The following CCSER1 variants were observed in gnomAD, a reference collection of about 807,000 sequenced individuals.
CCSER1 encodes the protein serine-rich coiled-coil domain-containing protein 1.
In CCSER1, 41 loss-of-function variants were observed where a neutral mutation model predicts 82.0. The observed-to-expected ratio is 0.50, with a 90% confidence interval of 0.39 to 0.65. The LOEUF (loss-of-function observed/expected upper bound fraction) is 0.65, where lower values mean the gene tolerates loss of function less well. Among genes scored for constraint, CCSER1 ranks in the 30% least tolerant of loss-of-function variants. The pLI is 0.00. For synonymous variants in CCSER1, 414 were observed against 383.9 expected (o/e 1.08, Z -0.92); for missense variants, 1,119 against 1,064.2 (o/e 1.05, Z -0.72).
intron 10 of CCSER1, among the ~76,000 whole-genome samples, chr4:91,454,908 T>TA (rs1400516945): frequency 7.2e-5 from 11 of 152,046 alleles, no homozygotes; most frequent in Non-Finnish European, 4.4e-5. Flanking sequence ...TGTTCACAGT[T>TA]ATATTTGTCA....
chr4:91,229,795 G>A (rs1001303344), intron 10 of CCSER1, among the ~76,000 whole-genome samples: 2 of 152,092 alleles, frequency 1.3e-5, no homozygotes. Context: ...GAGAACGCAT[G>A]GACACAGGCA....
intron 4 of CCSER1, among the ~76,000 whole-genome samples, chr4:90,432,566 C>T (rs1025191845): frequency 9.9e-5 from 15 of 151,880 alleles, no homozygotes; most frequent in African/African-American, 3.1e-4. Flanking sequence ...TTCCTTCCTT[C>T]CTTCCTTCTT....
intron 10 of CCSER1, among the ~76,000 whole-genome samples, chr4:91,164,673 A>T (rs1487822802): frequency 6.6e-6 from 1 of 151,850 alleles, no homozygotes; most frequent in East Asian, 1.9e-4. Flanking sequence ...ACTTCATTTC[A>T]TTCATTTGAT....
At chr4:90,601,908 G>T (rs1256931377) in intron 5 of CCSER1, among the ~76,000 whole-genome samples, 1 of 152,010 alleles carries the variant, frequency 6.6e-6, no homozygotes, top group African/African-American at 2.4e-5. Context: ...TTTGGTCAGA[G>T]AACCTACTTT....
chr4:90,307,332 T>A (rs530602770), intron 1 of CCSER1, among the ~76,000 whole-genome samples: 1 of 152,268 alleles, frequency 6.6e-6, no homozygotes, highest in African/African-American at 2.4e-5. Flanking sequence ...TTGTCACTTC[T>A]CTCAAGGTTA....
At chr4:91,331,433 A>G (rs1200517650) in intron 10 of CCSER1, among the ~76,000 whole-genome samples, 2 of 152,092 alleles carry the variant, frequency 1.3e-5, no homozygotes, top group African/African-American at 4.8e-5. Flanking sequence ...GCTCCACATC[A>G]TCTTTTAGCC....
chr4:90,366,268 G>C (rs1354224911), intron 3 of CCSER1, among the ~76,000 whole-genome samples: 1 of 149,516 alleles, frequency 6.7e-6, no homozygotes, highest in East Asian at 1.9e-4. Flanking sequence ...ATTTATAACA[G>C]CTGAAGACAA....
rs144112736 is a variant in CCSER1, at chr4:91,002,793, A to G, written c.2172+79346A>G. Among the ~76,000 whole-genome samples the G allele has an allele frequency of 9.2e-5, 14 of 152,264 alleles. No homozygotes were observed. In the East Asian group the frequency reaches 1.5e-3, roughly 17 times the overall value. On this transcript the variant is annotated intron_variant, in intron 9 of 10. Coordinates refer to ENST00000509176, the MANE Select transcript of CCSER1 (RefSeq NM_001145065.2). ...GGTTTGAATCCATTGCTGGTGAGCT[A>G]GTATGGTATTTGGGGGATGTTAAAG...
At chr4:90,197,085 C>T (rs1267843758) in intron 1 of CCSER1, among the ~76,000 whole-genome samples, 1 of 152,100 alleles carries the variant, frequency 6.6e-6, no homozygotes, top group Non-Finnish European at 1.5e-5. Context: ...TTAGGGTTCC[C>T]ACGACCCCCT....
At chr4:90,448,095 C>G (rs1760907889) in intron 4 of CCSER1, among the ~76,000 whole-genome samples, 1 of 151,912 alleles carries the variant, frequency 6.6e-6, no homozygotes, top group African/African-American at 2.4e-5. Context: ...TTTGCAAATT[C>G]TTTTTATTCT....
intron 10 of CCSER1, among the ~76,000 whole-genome samples, chr4:91,101,845 T>A (rs560014200): frequency 3.7e-4 from 56 of 152,324 alleles, no homozygotes; most frequent in African/African-American, 1.3e-3. Flanking sequence ...AACAGTAGTG[T>A]CCTAAGTAAC....
chr4:91,399,641 C>T (rs2149358224), intron 10 of CCSER1, among the ~76,000 whole-genome samples: 1 of 152,042 alleles, frequency 6.6e-6, no homozygotes, highest in Admixed American at 6.6e-5. Flanking sequence ...CATCAGCTTT[C>T]AGGTCCAAGA....
At chr4:91,192,128 G>A (rs534286253) in intron 10 of CCSER1, among the ~76,000 whole-genome samples, 98 of 152,266 alleles carry the variant, frequency 6.4e-4, no homozygotes, top group African/African-American at 2.2e-3. Flanking sequence ...ATTCTTTCCT[G>A]TGAGACATTA....
At chr4:91,473,677 A>T (rs1199938601) in intron 10 of CCSER1, among the ~76,000 whole-genome samples, 2 of 152,114 alleles carry the variant, frequency 1.3e-5, no homozygotes, top group Non-Finnish European at 2.9e-5. Context: ...GAAAAATTAA[A>T]AGAGTGTTGA....
At chr4:90,505,605 A>AT (rs1231180795) in intron 5 of CCSER1, among the ~76,000 whole-genome samples, 2 of 152,196 alleles carry the variant, frequency 1.3e-5, no homozygotes, top group African/African-American at 4.8e-5. Flanking sequence ...GGCGTGGATT[A>AT]TTCATGAGTT....
intron 5 of CCSER1, among the ~76,000 whole-genome samples, chr4:90,604,572 T>C (rs926083356): frequency 5.3e-5 from 8 of 152,224 alleles, no homozygotes; most frequent in African/African-American, 1.9e-4. Context: ...TATACTTATG[T>C]ATACATTGCA....
At chr4:90,406,200 G>T (rs1192620398) in intron 4 of CCSER1, among the ~76,000 whole-genome samples, 2 of 152,106 alleles carry the variant, frequency 1.3e-5, no homozygotes, top group African/African-American at 4.8e-5. Flanking sequence ...ACAAAATTGA[G>T]CAGGAGTAGC....
chr4:90,835,673 A>T (rs967829028), intron 8 of CCSER1, among the ~76,000 whole-genome samples: 25 of 152,136 alleles, frequency 1.6e-4, no homozygotes, highest in Non-Finnish European at 5.9e-5. Flanking sequence ...GCTTTGTTCA[A>T]TAGCACCTGG....
chr4:90,930,437 TAA>T (rs1729592451), intron 9 of CCSER1, among the ~76,000 whole-genome samples: 1 of 151,212 alleles, frequency 6.6e-6, no homozygotes, highest in African/African-American at 2.4e-5. Context: ...CCATCTCTAC[TAA>T]AAATTTAAAA....
Sources: allele counts gnomAD v4.1 joint callset (sites outside exome capture counted in the v4.1 genomes callset), GRCh38; gene constraint gnomAD v4.1.1; transcripts MANE v1.5; gene names NCBI Gene and HGNC (gene_info 2026-07-23, HGNC 2026-07-21).